Variants in PDE10A observed in about 807,000 individuals in gnomAD.
PDE10A encodes the protein phosphodiesterase 10A.
A neutral mutation model predicts 97.7 loss-of-function variants in PDE10A; 39 were observed. That is an observed-to-expected ratio of 0.40 (90% CI 0.31 to 0.52). The LOEUF (loss-of-function observed/expected upper bound fraction) is 0.52, where lower values mean the gene tolerates loss of function less well. Ranked by LOEUF, PDE10A falls within the 20% of genes least tolerant of loss-of-function variation. PDE10A has a pLI of 0.56. For synonymous variants in PDE10A, 371 were observed against 376.8 expected, an observed-to-expected ratio of 0.98 and a Z score of 0.18; for missense variants, 731 against 1,047.8, an observed-to-expected ratio of 0.70 and a Z score of 4.17.
chr6:165,784,875 G>C (rs1778452629), intron 1 of PDE10A, among the ~76,000 whole-genome samples: 1 of 152,188 alleles, frequency 6.6e-6, no homozygotes, highest in South Asian at 2.1e-4. Flanking sequence ...GAATGGTAAG[G>C]GGGAGTTGGG....
chr6:165,908,563 C>A (rs529299797), intron 1 of PDE10A, among the ~76,000 whole-genome samples: 1 of 152,208 alleles, frequency 6.6e-6, no homozygotes, highest in African/African-American at 2.4e-5. Flanking sequence ...GCACGGGCTG[C>A]ATGCGATAAC....
intron 1 of PDE10A, chr6:165,781,345 T>G (rs1778336801): frequency 6.6e-6 from 1 of 152,128 alleles, no homozygotes; most frequent in African/African-American, 2.4e-5. Flanking sequence ...CTGTACAGAC[T>G]AAGACACTGG....
chr6:165,499,716 A>G (rs961278478), intron 2 of PDE10A, among the ~76,000 whole-genome samples: 1 of 152,242 alleles, frequency 6.6e-6, no homozygotes, highest in South Asian at 2.1e-4. Context: ...AGTATTAAAA[A>G]TAATGTTCCA....
chr6:165,891,457 T>A (rs1001757819), intron 1 of PDE10A, among the ~76,000 whole-genome samples: 7 of 152,136 alleles, frequency 4.6e-5, no homozygotes, highest in Non-Finnish European at 2.9e-5. Flanking sequence ...CCTCCCAGGT[T>A]CAGCCAGGGA....
chr6:165,966,439 T>C (rs561500604), intron 1 of PDE10A, among the ~76,000 whole-genome samples: 11 of 152,364 alleles, frequency 7.2e-5, no homozygotes, highest in South Asian at 6.2e-4. Flanking sequence ...CTTATGTCTG[T>C]GACCATTACT....
At chr6:165,830,922 T>A (rs946293502) in intron 1 of PDE10A, among the ~76,000 whole-genome samples, 2 of 152,154 alleles carry the variant, frequency 1.3e-5, no homozygotes, top group Non-Finnish European at 2.9e-5. Flanking sequence ...CAACCAACTC[T>A]AAACTTTGAG....
intron 5 of PDE10A, among the ~76,000 whole-genome samples, chr6:165,437,580 T>C (rs1790115587): frequency 1.3e-5 from 2 of 152,332 alleles, no homozygotes; most frequent in South Asian, 4.1e-4. Context: ...AGTAATACTT[T>C]ATAGTGGAAA....
rs149892379 is a variant in PDE10A at position 165,350,604 on chromosome 6, A to G, written c.2784-7102T>C. On this transcript the variant is annotated intron_variant, in intron 18 of 21. Coordinates refer to ENST00000539869, the MANE Select transcript of PDE10A (RefSeq NM_001385079.1). ...TGAATTGTGAGGATATGAGATCTGG[A>G]AGGGGGCAGGGGCAGAATGATATGG... Among the ~76,000 whole-genome samples the G allele has an allele frequency of 4.0e-3, 606 of 152,278 alleles. 3 individuals are homozygous for G. The highest frequency in any genetic ancestry group is 6.1e-3 in the Non-Finnish European group (414 of 68,020).
At chr6:165,913,931 C>T (rs772162682) in intron 1 of PDE10A, among the ~76,000 whole-genome samples, 5 of 152,214 alleles carry the variant, frequency 3.3e-5, no homozygotes, top group South Asian at 2.1e-4. Flanking sequence ...TCTGACTTCA[C>T]GCGGCCTCCA....
intron 2 of PDE10A, among the ~76,000 whole-genome samples, chr6:165,523,644 T>C (rs910961882): frequency 3.3e-5 from 5 of 152,166 alleles, no homozygotes; most frequent in African/African-American, 9.7e-5. Flanking sequence ...GACTTAAATA[T>C]AGGACCTAAA....
intron 1 of PDE10A, among the ~76,000 whole-genome samples, chr6:165,795,258 A>C (rs145085788): frequency 6.6e-6 from 1 of 152,216 alleles, no homozygotes; most frequent in Non-Finnish European, 1.5e-5. Context: ...CCTCCTGGAA[A>C]TTCCCTAACA....
chr6:165,902,242 A>T (rs1020863466), intron 1 of PDE10A, among the ~76,000 whole-genome samples: 21 of 152,238 alleles, frequency 1.4e-4, no homozygotes, highest in African/African-American at 5.1e-4. Context: ...TCCTCTGGCC[A>T]CAGCCCTTGT....
At chr6:165,681,678 C>T (rs989346689) in intron 1 of PDE10A, among the ~76,000 whole-genome samples, 8 of 152,156 alleles carry the variant, frequency 5.3e-5, no homozygotes, top group African/African-American at 1.9e-4. Flanking sequence ...AAATTGTGAA[C>T]CAAGCCTGCA....
rs1363289963 is a variant in PDE10A at position 165,370,268 on chromosome 6, A to C, written c.2783+8926T>G. Among the ~76,000 whole-genome samples, 290 of 150,548 alleles carry C rather than the reference A, an allele frequency of 1.9e-3. 1 individual carries two copies. Among genetic ancestry groups the C allele is most frequent in the African/African-American group, 6.7e-3 (273 of 40,818 alleles). ...GTAAATGGACTAAATGCTCCAATTA[A>C]AAGACACAGACTGGCAAATTGGATA... On this transcript the variant is annotated intron_variant, in intron 18 of 21. Coordinates refer to ENST00000539869, the MANE Select transcript of PDE10A (RefSeq NM_001385079.1).
chr6:165,375,562 G>A (rs1784559500), intron 18 of PDE10A, among the ~76,000 whole-genome samples: 1 of 152,232 alleles, frequency 6.6e-6, no homozygotes, highest in African/African-American at 2.4e-5. Flanking sequence ...AAAGCAGCAG[G>A]TTATTCAGAA....
intron 1 of PDE10A, among the ~76,000 whole-genome samples, chr6:165,677,769 T>A (rs537080257): frequency 1.3e-5 from 2 of 151,912 alleles, no homozygotes; most frequent in South Asian, 2.1e-4. Context: ...CGTAATGTGT[T>A]TGTGTGTGTG....
At chr6:165,745,099 A>G (rs145523300) in intron 1 of PDE10A, among the ~76,000 whole-genome samples, 1 of 152,202 alleles carries the variant, frequency 6.6e-6, no homozygotes, top group East Asian at 1.9e-4. Flanking sequence ...TTTTACTTAG[A>G]TACTAGCAAA....
At chr6:165,981,304 T>C (rs1347085685) in intron 1 of PDE10A, among the ~76,000 whole-genome samples, 2 of 151,946 alleles carry the variant, frequency 1.3e-5, no homozygotes, top group Non-Finnish European at 2.9e-5. Context: ...TCCCCACACT[T>C]TCAGATGAAT....
chr6:165,972,691 C>T lies in PDE10A; in HGVS notation c.-615+14838G>A, dbSNP rs1324724968. 5.3e-5 allele frequency among the ~76,000 whole-genome samples: 8 copies of T among 152,074 alleles called. No homozygotes were observed. The South Asian group carries it at 8.3e-4, about 16-fold the overall frequency. ...TTCAGTGAACAAAGGAGGCTGAGAGCCCTTTAAGGGACAACCCTTCATCCA... is the reference window on the plus strand; with the variant it reads ...TTCAGTGAACAAAGGAGGCTGAGAGTCCTTTAAGGGACAACCCTTCATCCA... On this transcript the variant is annotated intron_variant, in intron 1 of 19. Coordinates refer to the PDE10A transcript ENST00000366882.
Sources: allele counts gnomAD v4.1 joint callset (sites outside exome capture counted in the v4.1 genomes callset), GRCh38; gene constraint gnomAD v4.1.1; transcripts MANE v1.5; gene names NCBI Gene and HGNC (gene_info 2026-07-23, HGNC 2026-07-21).